CYP4X1: variants seen among roughly 807,000 people sequenced by gnomAD.
The protein encoded by CYP4X1 is cytochrome P450 4X1.
In CYP4X1, 44 loss-of-function variants were observed where a neutral mutation model predicts 57.9. The observed-to-expected ratio is 0.76, with a 90% CI of 0.60 to 0.98. The LOEUF (loss-of-function observed/expected upper bound fraction) is 0.98. Ranked by LOEUF, CYP4X1 falls within the 50% of genes least tolerant of loss-of-function variation. The pLI, the probability that CYP4X1 is intolerant of heterozygous loss-of-function variation, is 0.00. For missense variants in CYP4X1, 532 were observed against 623.9 expected, an observed-to-expected ratio of 0.85 and a Z score of 1.57; for synonymous variants, 227 against 228.6, an observed-to-expected ratio of 0.99 and a Z score of 0.06.
the CYP4X1 span, among the ~76,000 whole-genome samples, chr1:47,011,789 C>T: frequency 1.3e-5 from 2 of 152,146 alleles, no homozygotes; most frequent in South Asian, 4.1e-4. Flanking sequence ...ATTTATGCAG[C>T]CAAAAGACAC....
At chr1:47,049,384 G>GT (rs1644336816) in intron 10 of CYP4X1, 38 bp from the exon 11 acceptor site, 1 of 1,521,784 alleles carries the variant, frequency 6.6e-7, no homozygotes, top group Admixed American at 1.7e-5. Flanking sequence ...TGTTCATGTT[G>GT]TTTGGGGGAT....
the CYP4X1 span, among the ~76,000 whole-genome samples, chr1:46,969,540 T>A: frequency 2.0e-5 from 3 of 152,210 alleles, no homozygotes; most frequent in Non-Finnish European, 4.4e-5. Context: ...GGAAAGTGAA[T>A]TCATCATTGG....
chr1:47,006,299 C>G, the CYP4X1 span, among the ~76,000 whole-genome samples: 2 of 152,106 alleles, frequency 1.3e-5, no homozygotes, highest in Non-Finnish European at 2.9e-5. Flanking sequence ...TTCAGGATTT[C>G]TTGCTTTTTG....
the CYP4X1 span, among the ~76,000 whole-genome samples, chr1:47,005,351 T>C: frequency 2.4e-3 from 358 of 152,276 alleles, 5 homozygotes; most frequent in African/African-American, 8.2e-3. Flanking sequence ...TGCTCTCCTT[T>C]GGTGATGTTT....
chr1:47,034,960 C>T lies in CYP4X1; in HGVS notation c.493-846C>T, dbSNP rs147729067. Among the ~76,000 whole-genome samples the T allele has an allele frequency of 4.5e-4, 69 of 151,726 alleles. No individual in the cohort carries two copies. The East Asian group carries it at 0.011, about 25-fold the overall frequency. The stretch of plus-strand genomic sequence containing the variant: ...CACCATTTGTTCTTAGTAAAACTTA[C>T]GTAATTGAGAAAAAGGCTCTTTGAC... On this transcript the variant is annotated intron_variant, in intron 4 of 11. Coordinates refer to ENST00000371901, the MANE Select transcript of CYP4X1 (RefSeq NM_178033.2).
the CYP4X1 span, chr1:47,003,035 T>C: frequency 8.7e-4 from 132 of 152,268 alleles, no homozygotes; most frequent in African/African-American, 2.8e-3. Flanking sequence ...GGTCATATAA[T>C]AGGAAGTGAA....
At chr1:47,011,102 C>T in the CYP4X1 span, among the ~76,000 whole-genome samples, 2 of 152,196 alleles carry the variant, frequency 1.3e-5, no homozygotes, top group African/African-American at 4.8e-5. Context: ...ATTGCCAAGA[C>T]AACCCTAAGC....
the CYP4X1 span, among the ~76,000 whole-genome samples, chr1:46,963,176 C>T: frequency 3.9e-5 from 6 of 152,200 alleles, no homozygotes; most frequent in East Asian, 9.6e-4. Context: ...TTCCTGAATA[C>T]AGCACACTGA....
chr1:46,985,102 C>A, the CYP4X1 span, among the ~76,000 whole-genome samples: 1 of 152,192 alleles, frequency 6.6e-6, no homozygotes, highest in Non-Finnish European at 1.5e-5. Context: ...GAAGTTCCAA[C>A]TGGGCAGAGC....
the CYP4X1 span, among the ~76,000 whole-genome samples, chr1:46,991,897 TAAAG>T: frequency 2.0e-5 from 3 of 152,136 alleles, no homozygotes; most frequent in Admixed American, 2.0e-4. Flanking sequence ...TTAATCTTAA[TAAAG>T]AGTTGGGAAA....
chr1:47,048,538 G>A (rs746937284), intron 9 of CYP4X1, 27 bp from the exon 10 acceptor site: 4 of 1,613,264 alleles, frequency 2.5e-6, no homozygotes, highest in Admixed American at 1.7e-5. Flanking sequence ...TTCTCCTGCA[G>A]TCTCTTTTAT....
At chr1:47,014,870 G>C in the CYP4X1 span, among the ~76,000 whole-genome samples, 2 of 152,146 alleles carry the variant, frequency 1.3e-5, no homozygotes, top group Admixed American at 6.5e-5. Context: ...TCACTGCCCT[G>C]TCCTTCAAAG....
chr1:47,044,063 G>C (rs1196283723), intron 8 of CYP4X1, among the ~76,000 whole-genome samples: 1 of 152,112 alleles, frequency 6.6e-6, no homozygotes, highest in Non-Finnish European at 1.5e-5. Context: ...CTTTTGATTA[G>C]AGAATTTAAT....
upstream of CYP4X1, among the ~76,000 whole-genome samples, chr1:47,022,705 A>T (rs981910623): frequency 6.6e-6 from 1 of 152,196 alleles, no homozygotes; most frequent in Admixed American, 6.6e-5. Flanking sequence ...GGACAGTGAT[A>T]GGGAGAACAG....
chr1:47,054,376 G>C (rs952180764), downstream of CYP4X1, among the ~76,000 whole-genome samples: 1 of 152,042 alleles, frequency 6.6e-6, no homozygotes, highest in Non-Finnish European at 1.5e-5. Context: ...TTGTTCTTTT[G>C]GCTTAGGATT....
chr1:46,999,026 T>TGTGTGTGTG, the CYP4X1 span, among the ~76,000 whole-genome samples: 1,833 of 143,314 alleles, frequency 0.013, 25 homozygotes, highest in African/African-American at 0.038. Flanking sequence ...CTTGCTTTCT[T>TGTGTGTGTG]TGTGTGTGTG....
At chr1:46,964,526 G>T in the CYP4X1 span, among the ~76,000 whole-genome samples, 92,403 of 152,082 alleles carry the variant, frequency 0.61, 29,508 homozygotes, top group Non-Finnish European at 0.72. Context: ...GTTTGCCTGG[G>T]TATCAGCAGT....
At chr1:47,003,754 T>C in the CYP4X1 span, among the ~76,000 whole-genome samples, 1 of 152,032 alleles carries the variant, frequency 6.6e-6, no homozygotes, top group Non-Finnish European at 1.5e-5. Context: ...TCTGCCCCCA[T>C]AACCCAAACA....
chr1:47,048,136 C>A (rs1438857786), intron 9 of CYP4X1, among the ~76,000 whole-genome samples: 1 of 151,798 alleles, frequency 6.6e-6, no homozygotes, highest in Non-Finnish European at 1.5e-5. Context: ...GTATTCCTGC[C>A]TACTTGGGGG....
Sources: gnomAD v4.1 joint callset for allele counts (sites outside exome capture counted in the v4.1 genomes callset) on GRCh38, gnomAD v4.1.1 for gene constraint, MANE v1.5 for transcripts, NCBI Gene and HGNC (gene_info 2026-07-23, HGNC 2026-07-21) for gene names.